Variants in WASHC3 observed in about 807,000 individuals in gnomAD.
WASHC3 encodes WASH complex subunit 3.
WASHC3 carries 24 observed loss-of-function variants against 26.1 expected under a neutral mutation model. That is an observed-to-expected ratio of 0.92 (90% CI 0.66 to 1.29). The LOEUF is 1.29. WASHC3 is among the 50% of genes most tolerant of loss of function. The pLI, the probability that WASHC3 is intolerant of heterozygous loss-of-function variation, is 0.00. For missense variants in WASHC3, 214 were observed against 229.6 expected, an observed-to-expected ratio of 0.93 and a Z score of 0.44; for synonymous variants, 77 against 75.7, an observed-to-expected ratio of 1.02 and a Z score of -0.09.
chr12:102,020,238 T>C (rs748746024), intron 6 of WASHC3, among the ~76,000 whole-genome samples: 1 of 152,120 alleles, frequency 6.6e-6, no homozygotes, highest in Non-Finnish European at 1.5e-5. Context: ...AGGAAACCCA[T>C]TAGCACTAGG....
chr12:102,025,368 T>C (rs1249967233), intron 6 of WASHC3, among the ~76,000 whole-genome samples: 1 of 151,306 alleles, frequency 6.6e-6, no homozygotes, highest in Non-Finnish European at 1.5e-5. Flanking sequence ...TGAGCCACAA[T>C]TTTTTTTTAT....
At chr12:102,046,953 A>T (rs1202601581) in intron 2 of WASHC3, among the ~76,000 whole-genome samples, 1 of 152,248 alleles carries the variant, frequency 6.6e-6, no homozygotes, top group African/African-American at 2.4e-5. Flanking sequence ...GAATTGGAAG[A>T]TGAGTAATTC....
rs17850690 is a variant in WASHC3 at position 102,039,974 on chromosome 12, T to C, written c.329A>G (p.Asn110Ser). ...PEATSEQPQQNSTQDSGLQES... is the reference protein window; with the variant it reads ...PEATSEQPQQSSTQDSGLQES... Reference sequence around the variant, plus strand: ...CTGTAGTCCAGAGTCTTGTGTACTGTTCTGCTGTAGAGAGTATTTGGTGTA... The same window carrying C: ...CTGTAGTCCAGAGTCTTGTGTACTGCTCTGCTGTAGAGAGTATTTGGTGTA... Residue 110 changes from asparagine (N) to serine (S), a missense_variant, in exon 5 of 7, where the codon AAC (asparagine) becomes AGC (serine). Physicochemically the swap from Asn to Ser is conservative, Grantham distance 46. Coordinates refer to ENST00000240079, the MANE Select transcript of WASHC3 (RefSeq NM_016053.4). 1.3e-6 allele frequency: 2 copies of C among 1,504,594 alleles called. No homozygotes were observed. Among genetic ancestry groups the C allele is most frequent in the Non-Finnish European group, 1.8e-6 (2 of 1,083,544 alleles). 93.2% of individuals were successfully genotyped at this position (1,504,594 alleles called of 1,614,324 possible).
chr12:102,061,872 C>T, intron 1 of WASHC3, 40 bp downstream of exon 1: 2 of 1,549,706 alleles, frequency 1.3e-6, no homozygotes, highest in Non-Finnish European at 1.8e-6. Flanking sequence ...CCCCATCCTC[C>T]TCCCGGCTCG....
At chr12:102,021,759 T>C (rs889856900) in intron 6 of WASHC3, among the ~76,000 whole-genome samples, 22 of 152,194 alleles carry the variant, frequency 1.4e-4, no homozygotes, top group South Asian at 4.1e-4. Context: ...TGTTGTTGTA[T>C]AGCAGGAGGT....
At position 102,013,958 on chromosome 12, in the gene WASHC3, T is replaced by C. The variant is rs75869677; in HGVS notation, c.501-766A>G. 3.2e-3 allele frequency among the ~76,000 whole-genome samples: 489 copies of C among 152,172 alleles called. 2 individuals are homozygous for C. The highest frequency in any genetic ancestry group is 0.011 in the African/African-American group (456 of 41,530). ...TTGTGCCAGTAAGTCATTTAATCAGTGTAGTGGCATTATCACTTAGCCTCT... is the reference window on the plus strand; with the variant it reads ...TTGTGCCAGTAAGTCATTTAATCAGCGTAGTGGCATTATCACTTAGCCTCT... On this transcript the variant is annotated intron_variant, in intron 6 of 6. Transcript: ENST00000240079.
chr12:102,015,643 C>T (rs1189975779), intron 6 of WASHC3, among the ~76,000 whole-genome samples: 1 of 152,166 alleles, frequency 6.6e-6, no homozygotes, highest in Non-Finnish European at 1.5e-5. Flanking sequence ...CATGCATCTA[C>T]TATTTGCTAG....
chr12:102,032,286 G>T (rs912289845), intron 5 of WASHC3, among the ~76,000 whole-genome samples: 4 of 152,124 alleles, frequency 2.6e-5, no homozygotes, highest in Non-Finnish European at 4.4e-5. Context: ...GTGTCTAAGA[G>T]ACTGTTTTGG....
At chr12:102,045,251 A>G (rs1450802500) in intron 3 of WASHC3, among the ~76,000 whole-genome samples, 1 of 152,182 alleles carries the variant, frequency 6.6e-6, no homozygotes, top group East Asian at 1.9e-4. Flanking sequence ...CATGTTCAAG[A>G]CCGGGTTTCC....
At chr12:102,049,021 T>A (rs1878281283) in intron 2 of WASHC3, among the ~76,000 whole-genome samples, 1 of 152,250 alleles carries the variant, frequency 6.6e-6, no homozygotes, top group African/African-American at 2.4e-5. Flanking sequence ...GGTTCATTTA[T>A]GGGCTGCTGA....
chr12:102,033,248 C>G (rs556505382), intron 5 of WASHC3, among the ~76,000 whole-genome samples: 1 of 152,002 alleles, frequency 6.6e-6, no homozygotes, highest in Non-Finnish European at 1.5e-5. Context: ...TTTTGTAACC[C>G]GCAAGACTTT....
intron 6 of WASHC3, among the ~76,000 whole-genome samples, chr12:102,021,645 A>T (rs1594348993): frequency 6.6e-6 from 1 of 152,222 alleles, no homozygotes; most frequent in East Asian, 1.9e-4. Flanking sequence ...CTCAGCAAAA[A>T]CTAACAAAAC....
At chr12:102,025,509 A>G (rs1241703053) in intron 6 of WASHC3, among the ~76,000 whole-genome samples, 1 of 152,088 alleles carries the variant, frequency 6.6e-6, no homozygotes, top group East Asian at 1.9e-4. Flanking sequence ...GCTTTAGCCT[A>G]TTTATTTCTC....
chr12:102,026,452 G>C (rs1382867190), intron 5 of WASHC3, among the ~76,000 whole-genome samples: 2 of 152,122 alleles, frequency 1.3e-5, no homozygotes, highest in Non-Finnish European at 2.9e-5. Flanking sequence ...CTTAAGTATA[G>C]CTATATTAAT....
intron 5 of WASHC3, among the ~76,000 whole-genome samples, chr12:102,031,213 ATCTTTCTCTAGGTC>A (rs1200143691): frequency 6.6e-6 from 1 of 152,240 alleles, no homozygotes; most frequent in Non-Finnish European, 1.5e-5. Context: ...GACAAAAGTT[ATCTTTCTCTAGGTC>A]CTCTGTATAC....
intron 6 of WASHC3, chr12:102,017,767 G>T (rs764591514): frequency 6.9e-6 from 3 of 432,670 alleles, no homozygotes; most frequent in African/African-American, 2.1e-5. Flanking sequence ...AGCAACACTT[G>T]TTATTGTCTG....
At chr12:102,025,376 T>A (rs189383696) in intron 6 of WASHC3, among the ~76,000 whole-genome samples, 17 of 152,236 alleles carry the variant, frequency 1.1e-4, no homozygotes, top group African/African-American at 3.6e-4. Flanking sequence ...AATTTTTTTT[T>A]ATCATTTCTC....
At chr12:102,017,240 C>T (rs1876743607) in intron 6 of WASHC3, among the ~76,000 whole-genome samples, 1 of 152,014 alleles carries the variant, frequency 6.6e-6, no homozygotes, top group Non-Finnish European at 1.5e-5. Context: ...GTGTAGTACG[C>T]TATACCATTT....
At chr12:102,038,737 C>A (rs1342414399) in intron 5 of WASHC3, among the ~76,000 whole-genome samples, 1 of 151,942 alleles carries the variant, frequency 6.6e-6, no homozygotes, top group Non-Finnish European at 1.5e-5. Context: ...GAGCTCTAGG[C>A]TTCAGAAAAA....
Sources: gnomAD v4.1 joint callset for allele counts (sites outside exome capture counted in the v4.1 genomes callset) on GRCh38, gnomAD v4.1.1 for gene constraint, MANE v1.5 for transcripts, NCBI Gene and HGNC (gene_info 2026-07-23, HGNC 2026-07-21) for gene names.